The following PHEX variants were observed in gnomAD, a reference collection of about 807,000 sequenced individuals.
PHEX encodes the protein phosphate-regulating neutral endopeptidase PHEX.
In PHEX, 16 loss-of-function variants were observed where a neutral mutation model predicts 68.0. That is an observed-to-expected ratio of 0.24 (90% CI 0.16 to 0.36). The LOEUF (loss-of-function observed/expected upper bound fraction) is 0.36, where lower values mean the gene tolerates loss of function less well. PHEX is among the 10% of genes least tolerant of loss of function. The pLI is 1.00. For missense variants in PHEX, 480 were observed against 575.5 expected, an observed-to-expected ratio of 0.83 and a Z score of 1.70; for synonymous variants, 208 against 205.1, an observed-to-expected ratio of 1.01 and a Z score of -0.12.
At chrX:22,045,297 T>G (rs1281378616) in intron 2 of PHEX, among the ~76,000 whole-genome samples, 2 of 111,750 alleles carry the variant, frequency 1.8e-5, no homozygotes, top group Non-Finnish European at 3.8e-5. Context: ...TGAAATCTCT[T>G]TGGGTTTTCA....
intron 7 of PHEX, among the ~76,000 whole-genome samples, chrX:22,094,326 T>G (rs1376269917): frequency 1.8e-5 from 2 of 112,170 alleles, no homozygotes; most frequent in Non-Finnish European, 3.8e-5. Context: ...TCCTTCCACC[T>G]CCCTGGTTTA....
intron 6 of PHEX, among the ~76,000 whole-genome samples, chrX:22,093,322 C>G (rs1467179591): frequency 1.8e-5 from 2 of 111,785 alleles, no homozygotes; most frequent in Non-Finnish European, 3.8e-5. Context: ...CCTGCCCCAC[C>G]CAATGACATA....
At chrX:22,224,065 C>A (rs186059591) in intron 18 of PHEX, among the ~76,000 whole-genome samples, 1 of 110,896 alleles carries the variant, frequency 9.0e-6, no homozygotes. Context: ...TCACTACAAC[C>A]TCTGCCTCCC....
At chrX:22,131,225 G>A (rs1310682886) in intron 11 of PHEX, among the ~76,000 whole-genome samples, 1 of 110,185 alleles carries the variant, frequency 9.1e-6, no homozygotes, top group African/African-American at 3.3e-5. Flanking sequence ...ATTTTTAGTA[G>A]AGACGGGGTT....
At chrX:22,046,967 A>G in intron 2 of PHEX, 83 bp from the exon 3 acceptor site, 1 of 832,634 alleles carries the variant, frequency 1.2e-6, no homozygotes, top group Non-Finnish European at 1.8e-6. Flanking sequence ...ACTGGTTGAT[A>G]TGGAATTGTT....
At chrX:22,178,603 G>T (rs1360241411) in intron 14 of PHEX, among the ~76,000 whole-genome samples, 1 of 111,656 alleles carries the variant, frequency 9.0e-6, no homozygotes, top group African/African-American at 3.3e-5. Context: ...CACATATCAA[G>T]AGAAGGCTTA....
intron 11 of PHEX, among the ~76,000 whole-genome samples, chrX:22,131,317 A>C (rs1931993149): frequency 8.9e-6 from 1 of 112,519 alleles, no homozygotes; most frequent in South Asian, 3.6e-4. Flanking sequence ...CTGGGATTAC[A>C]GGTATGAGCC....
chrX:22,039,028 G>T (rs2027825), intron 2 of PHEX, among the ~76,000 whole-genome samples: 37,546 of 110,947 alleles, frequency 0.34, 4,841 homozygotes, highest in Middle Eastern at 0.4. Context: ...GCCCAGGCTG[G>T]CACGATCTCA....
At chrX:22,051,010 T>C (rs1387082040) in intron 3 of PHEX, among the ~76,000 whole-genome samples, 2 of 111,995 alleles carry the variant, frequency 1.8e-5, no homozygotes, top group African/African-American at 6.5e-5. Context: ...TGTCGAATTC[T>C]GTTATTAAGA....
chrX:22,070,109 A>G (rs1358556237), intron 3 of PHEX, among the ~76,000 whole-genome samples: 2 of 111,286 alleles, frequency 1.8e-5, no homozygotes, highest in Non-Finnish European at 3.8e-5. Context: ...GCATTCAACC[A>G]TAGACCATCC....
Position 22,212,852 on chromosome X carries a change from T to A in PHEX, c.1646-52T>A, listed in dbSNP as rs1288137946. On this transcript the variant is annotated intron_variant, in intron 15 of 21. Coordinates refer to ENST00000379374, the MANE Select transcript of PHEX (RefSeq NM_000444.6). ...CAGTGTTATAGCTAGAACCAGGTAC[T>A]CATCATTGAATCAATCTCTCTATAT... 14 of 944,005 alleles carry A rather than the reference T, an allele frequency of 1.5e-5. No individual in the cohort carries two copies. The East Asian group carries it at 4.0e-4, about 27-fold the overall frequency. 77.8% of individuals were successfully genotyped at this position (944,005 alleles called of 1,213,427 possible).
chrX:22,185,441 TG>T lies in PHEX; in HGVS notation c.1587-5001del, dbSNP rs759016769. 8.1e-4 allele frequency among the ~76,000 whole-genome samples: 91 copies of T among 112,198 alleles called. 1 individual carries two copies. In the Admixed American group the frequency reaches 8.5e-3, roughly 10 times the overall value. ...CTTCAGGGGCCAGTCAGTTAACAAA[TG>T]GTTGACCTACATGGGTGTAAACAAC... On this transcript the variant is annotated intron_variant, in intron 14 of 21. Coordinates refer to ENST00000379374, the MANE Select transcript of PHEX (RefSeq NM_000444.6).
At chrX:22,076,135 T>C (rs959725788) in intron 3 of PHEX, among the ~76,000 whole-genome samples, 12 of 112,629 alleles carry the variant, frequency 1.1e-4, no homozygotes, top group African/African-American at 3.2e-4. Context: ...CCATTCTCAG[T>C]TGGAAATTAA....
At position 22,077,608 on chromosome X, in the gene PHEX, C is replaced by G. The variant is rs1450543915; in HGVS notation, c.569C>G (p.Thr190Arg). 2.2e-5 allele frequency: 27 copies of G among 1,209,065 alleles called. No homozygotes were observed. Among genetic ancestry groups the G allele is most frequent in the Non-Finnish European group, 3.0e-5 (27 of 894,483 alleles). The change falls in exon 5 of 22, where the codon ACA becomes AGA. Residue 190 changes from threonine (T) to arginine (R), a missense_variant. Physicochemically the swap from Thr to Arg is moderately conservative, Grantham distance 71. Transcript: ENST00000379374. ...GAGAGAAAGTTCAGCCTTCTGCAGA[C>G]ACTTGCAACGTTTCGTGGTCAATAC... The part of the protein sequence containing the change: ...WSERKFSLLQ[T>R]LATFRGQYSN...
chrX:22,231,214 T>C (rs957941806), intron 20 of PHEX, among the ~76,000 whole-genome samples: 7 of 112,435 alleles, frequency 6.2e-5, no homozygotes, highest in Non-Finnish European at 1.1e-4. Context: ...ATCAGGGATA[T>C]TGGCCTGAAA....
intron 20 of PHEX, among the ~76,000 whole-genome samples, chrX:22,244,969 C>T (rs184006618): frequency 1.4e-3 from 155 of 111,709 alleles, no homozygotes; most frequent in African/African-American, 4.9e-3. Flanking sequence ...GGGTGGCTGA[C>T]TCATTTTATT....
At position 22,148,955 on chromosome X, in the gene PHEX, A is replaced by G. The variant is rs73636809; in HGVS notation, c.1404+15331A>G. On this transcript the variant is annotated intron_variant, in intron 12 of 21. Transcript: ENST00000379374. ...CACGTGACCTTTGTGTACAGGTGTAAGAAATTCCTACTAGGTTTTAGGGCC... is the reference window on the plus strand; with the variant it reads ...CACGTGACCTTTGTGTACAGGTGTAGGAAATTCCTACTAGGTTTTAGGGCC... Among the ~76,000 whole-genome samples the G allele has an allele frequency of 5.3e-3, 598 of 111,935 alleles. 2 individuals are homozygous for G. Among genetic ancestry groups the G allele is most frequent in the African/African-American group, 0.019 (574 of 30,841 alleles).
chrX:22,077,543 C>T lies in PHEX; in HGVS notation c.504C>T (p.Pro168=), dbSNP rs767157065. 31 of 1,210,021 alleles carry T rather than the reference C, an allele frequency of 2.6e-5. No individual in the cohort carries two copies. Among genetic ancestry groups the T allele is most frequent in the South Asian group, 1.8e-5 (1 of 56,831 alleles). ...HILRHSPFRW[P]VLESNIGPEG... is the part of the protein sequence containing the mutation. ...TACGGCATTCACCTTTCCGCTGGCC[C>T]GTGCTTGAATCTAATATTGGCCCTG... The change falls in exon 5 of 22, where the codon CCC becomes CCT. Residue 168 remains proline (P), a synonymous_variant. Transcript: ENST00000379374.
At chrX:22,047,737 A>G in intron 3 of PHEX, among the ~76,000 whole-genome samples, 1 of 111,656 alleles carries the variant, frequency 9.0e-6, no homozygotes, top group East Asian at 2.8e-4. Flanking sequence ...AAGCTCACAC[A>G]CACATACTCA....
Sources: allele counts gnomAD v4.1 joint callset (sites outside exome capture counted in the v4.1 genomes callset), GRCh38; gene constraint gnomAD v4.1.1; transcripts MANE v1.5; gene names NCBI Gene and HGNC (gene_info 2026-07-23, HGNC 2026-07-21).